The following CAST variants were observed in gnomAD, a reference collection of about 807,000 sequenced individuals.
CAST encodes the protein calpastatin.
CAST carries 76 observed loss-of-function variants against 119.6 expected under a neutral mutation model. That is an observed-to-expected ratio of 0.64 (90% confidence interval 0.53 to 0.77). CAST has a LOEUF of 0.77. Among genes scored for constraint, CAST ranks in the 30% least tolerant of loss-of-function variants. The pLI is 0.00. For missense variants in CAST, 953 were observed against 946.5 expected (o/e 1.01, Z -0.09); for synonymous variants, 319 against 331.6 (o/e 0.96, Z 0.41).
chr5:96,506,851 G>C, the CAST span, among the ~76,000 whole-genome samples: 1 of 152,200 alleles, frequency 6.6e-6, no homozygotes, highest in Non-Finnish European at 1.5e-5. Context: ...TGCAATGCAT[G>C]GGCCCATACA....
At chr5:96,394,251 T>C in the CAST span, among the ~76,000 whole-genome samples, 32 of 152,316 alleles carry the variant, frequency 2.1e-4, no homozygotes, top group Non-Finnish European at 3.8e-4. Context: ...TGTGGGCTTT[T>C]CTCACCATCT....
chr5:96,523,761 G>A (rs1266106728), upstream of CAST, among the ~76,000 whole-genome samples: 1 of 152,160 alleles, frequency 6.6e-6, no homozygotes, highest in Non-Finnish European at 1.5e-5. Flanking sequence ...GGAGCCGTGG[G>A]CACTGTAACT....
At chr5:96,025,365 G>C in the CAST span, among the ~76,000 whole-genome samples, 1 of 152,000 alleles carries the variant, frequency 6.6e-6, no homozygotes, top group Non-Finnish European at 1.5e-5. Context: ...TCTTATAAAG[G>C]CACTAATCTT....
the CAST span, among the ~76,000 whole-genome samples, chr5:96,362,072 G>T: frequency 1.3e-5 from 2 of 152,032 alleles, no homozygotes; most frequent in East Asian, 3.9e-4. Flanking sequence ...CTATGGGTGA[G>T]AACATGCGGT....
the CAST span, among the ~76,000 whole-genome samples, chr5:96,167,656 A>G: frequency 6.6e-6 from 1 of 152,210 alleles, no homozygotes; most frequent in South Asian, 2.1e-4. Context: ...AGGTTGGTCC[A>G]TTATCAGACT....
the CAST span, among the ~76,000 whole-genome samples, chr5:96,344,642 AT>A: frequency 2.6e-5 from 4 of 152,048 alleles, no homozygotes; most frequent in Non-Finnish European, 5.9e-5. Flanking sequence ...TTTAGTCTTC[AT>A]TTATTTTTGC....
At chr5:96,711,575 C>G (rs1454165235) in intron 3 of CAST, among the ~76,000 whole-genome samples, 1 of 152,148 alleles carries the variant, frequency 6.6e-6, no homozygotes, top group Non-Finnish European at 1.5e-5. Context: ...GAGGTATTGA[C>G]AGTTTTATAA....
At chr5:96,352,015 C>T in the CAST span, among the ~76,000 whole-genome samples, 1 of 152,050 alleles carries the variant, frequency 6.6e-6, no homozygotes, top group African/African-American at 2.4e-5. Flanking sequence ...TAGAGTGTAC[C>T]TCACCATACA....
the CAST span, among the ~76,000 whole-genome samples, chr5:96,093,048 T>A: frequency 6.6e-6 from 1 of 152,300 alleles, no homozygotes; most frequent in African/African-American, 2.4e-5. Flanking sequence ...ATTCTTAATT[T>A]AAAAAATTTA....
intron 30 of CAST, 140 bp downstream of exon 30, chr5:96,770,742 T>C: frequency 1.7e-6 from 1 of 589,326 alleles, no homozygotes; most frequent in Non-Finnish European, 3.0e-6. Flanking sequence ...TAGCATCGCT[T>C]GGTAAAGTAA....
chr5:95,977,979 GT>G, the CAST span, among the ~76,000 whole-genome samples: 326 of 144,502 alleles, frequency 2.3e-3, 1 homozygote, highest in Admixed American at 2.8e-3. Context: ...CAGGATCTTG[GT>G]TTTTTTTTTT....
chr5:96,609,847 T>A (rs1371503235), intron 1 of CAST, among the ~76,000 whole-genome samples: 1 of 152,138 alleles, frequency 6.6e-6, no homozygotes, highest in African/African-American at 2.4e-5. Flanking sequence ...ATTTTTTAAA[T>A]GCCTTAATTC....
In CAST at chr5:96,773,990, A is replaced by T. The variant is rs1773378489; in HGVS notation, c.*1374A>T. On this transcript the variant is annotated 3_prime_UTR_variant, in exon 32 of 32. Transcript: ENST00000675179. ...CAAATACTCTCTGAAAGTCATGCAC[A>T]TACCTATGGGATTTTACACACCACC... is the stretch of plus-strand genomic sequence containing the variant. 1 of 152,482 alleles carries T rather than the reference A, an allele frequency of 6.6e-6. No individual in the cohort carries two copies. Among genetic ancestry groups the T allele is most frequent in the Admixed American group, 6.5e-5 (1 of 15,308 alleles). 9.4% of individuals were successfully genotyped at this position (152,482 alleles called of 1,614,324 possible). A position where few individuals can be genotyped will look rare whatever the true frequency, so the allele number is the denominator to read the frequency against.
the CAST span, among the ~76,000 whole-genome samples, chr5:96,074,282 G>A: frequency 1.4e-4 from 22 of 152,300 alleles, no homozygotes; most frequent in Admixed American, 8.5e-4. Flanking sequence ...TTCAAAATAC[G>A]TATGTTGAAG....
At chr5:96,669,516 G>A (rs907942309) in intron 1 of CAST, among the ~76,000 whole-genome samples, 1 of 152,186 alleles carries the variant, frequency 6.6e-6, no homozygotes, top group Non-Finnish European at 1.5e-5. Flanking sequence ...AAGGCAAGAT[G>A]TAAGTTTATA....
intron 1 of CAST, among the ~76,000 whole-genome samples, chr5:96,553,075 C>T (rs1746165877): frequency 6.6e-6 from 1 of 152,078 alleles, no homozygotes; most frequent in Admixed American, 6.6e-5. Context: ...CCAGCATCAT[C>T]CTAATACCAA....
chr5:96,591,182 C>T (rs1746955965), intron 1 of CAST, among the ~76,000 whole-genome samples: 1 of 152,158 alleles, frequency 6.6e-6, no homozygotes, highest in Non-Finnish European at 1.5e-5. Context: ...GCAAATAGCA[C>T]TTATGAAACA....
chr5:96,635,564 C>T lies in CAST; in HGVS notation c.61-39975C>T, dbSNP rs569979792. 2.6e-4 allele frequency among the ~76,000 whole-genome samples: 39 copies of T among 152,334 alleles called. No individual in the cohort carries two copies. The South Asian group carries it at 8.1e-3, about 32-fold the overall frequency. On this transcript the variant is annotated intron_variant, in intron 1 of 11. Coordinates refer to the CAST transcript ENST00000505143. The stretch of plus-strand genomic sequence containing the variant: ...TTCTAGCTATATAGATGTAATCTCT[C>T]TGGTAACTTTTCAATTCCACAGCAA...
chr5:96,342,891 G>T, the CAST span, among the ~76,000 whole-genome samples: 12 of 152,190 alleles, frequency 7.9e-5, no homozygotes, highest in East Asian at 2.3e-3. Context: ...TTTTGGTACC[G>T]CATAAGTTGA....
Sources: gnomAD v4.1 joint callset for allele counts (sites outside exome capture counted in the v4.1 genomes callset) on GRCh38, gnomAD v4.1.1 for gene constraint, MANE v1.5 for transcripts, NCBI Gene and HGNC (gene_info 2026-07-23, HGNC 2026-07-21) for gene names.